PTGER3: variants seen among roughly 807,000 people sequenced by gnomAD.
PTGER3 encodes prostaglandin E receptor 3, also known as prostaglandin E2 receptor EP3 subtype.
PTGER3 carries 22 observed loss-of-function variants against 34.7 expected under a neutral mutation model. That is an observed-to-expected ratio of 0.63 (90% CI 0.45 to 0.91). The LOEUF (loss-of-function observed/expected upper bound fraction) is 0.91. Ranked by LOEUF, PTGER3 falls within the 40% of genes least tolerant of loss-of-function variation. PTGER3 has a pLI of 0.00. For synonymous variants in PTGER3, 241 were observed against 230.1 expected, an observed-to-expected ratio of 1.05 and a Z score of -0.43; for missense variants, 468 against 519.4, an observed-to-expected ratio of 0.90 and a Z score of 0.96.
At chr1:70,880,133 T>C (rs1407147886) in intron 4 of PTGER3, among the ~76,000 whole-genome samples, 1 of 152,048 alleles carries the variant, frequency 6.6e-6, no homozygotes, top group Non-Finnish European at 1.5e-5. Flanking sequence ...TGTAATCATA[T>C]TGTTAGCTGG....
intron 4 of PTGER3, among the ~76,000 whole-genome samples, chr1:70,932,075 T>A (rs1479917999): frequency 2.6e-5 from 4 of 152,174 alleles, no homozygotes; most frequent in Non-Finnish European, 5.9e-5. Flanking sequence ...CAGATACCTT[T>A]AATCATCTCT....
In PTGER3 at chr1:71,047,663, C is replaced by G. The variant is rs1018917472; in HGVS notation, c.-86G>C. On this transcript the variant is annotated 5_prime_UTR_variant, in exon 1 of 4. Transcript: ENST00000306666. ...CGGCGCGGGCGGCGGCGGAGGTCGG[C>G]GTTTACCGCGGCTGGGGCTGGGCTG... 1 of 1,414,906 alleles carries G rather than the reference C, an allele frequency of 7.1e-7. No individual in the cohort carries two copies. The highest frequency in any genetic ancestry group is 9.4e-7 in the Non-Finnish European group (1 of 1,068,412). 87.6% of individuals were successfully genotyped at this position (1,414,906 alleles called of 1,614,324 possible).
At chr1:71,035,342 T>C (rs1033709342) in intron 1 of PTGER3, among the ~76,000 whole-genome samples, 2 of 152,262 alleles carry the variant, frequency 1.3e-5, no homozygotes, top group Admixed American at 6.5e-5. Flanking sequence ...CTATAGTTTT[T>C]GACATTCTCA....
chr1:70,916,702 C>G (rs1264626500), intron 4 of PTGER3, among the ~76,000 whole-genome samples: 2 of 151,836 alleles, frequency 1.3e-5, no homozygotes, highest in African/African-American at 4.8e-5. Context: ...AATGTGGGAA[C>G]AATAGATACT....
chr1:70,946,181 C>A (rs775964583), intron 4 of PTGER3, among the ~76,000 whole-genome samples: 1 of 151,964 alleles, frequency 6.6e-6, no homozygotes, highest in Admixed American at 6.6e-5. Flanking sequence ...AAGTCCCAGC[C>A]CCACCACATA....
chr1:70,922,580 C>T (rs536879204), intron 4 of PTGER3, among the ~76,000 whole-genome samples: 58 of 151,880 alleles, frequency 3.8e-4, no homozygotes, highest in Non-Finnish European at 6.8e-4. Flanking sequence ...GTCCTAGGCT[C>T]CACACTAGTA....
intron 4 of PTGER3, among the ~76,000 whole-genome samples, chr1:70,937,905 G>T (rs1421332095): frequency 6.6e-6 from 1 of 152,004 alleles, no homozygotes; most frequent in Admixed American, 6.6e-5. Context: ...TAGAAAGGTG[G>T]TTTTATAGTT....
intron 1 of PTGER3, among the ~76,000 whole-genome samples, chr1:71,040,194 A>G (rs1454503438): frequency 3.3e-5 from 5 of 151,930 alleles, no homozygotes; most frequent in Non-Finnish European, 7.4e-5. Flanking sequence ...GGGAAGGGAA[A>G]GGAAAGGAAA....
intron 2 of PTGER3, 63 bp from the exon 3 acceptor site, chr1:70,974,451 C>T: frequency 2.6e-6 from 2 of 764,194 alleles, no homozygotes; most frequent in East Asian, 2.5e-5. Context: ...AAAGCAAAAC[C>T]AAAACCTGCA....
At chr1:70,882,022 G>T (rs943655839) in intron 4 of PTGER3, among the ~76,000 whole-genome samples, 9 of 152,172 alleles carry the variant, frequency 5.9e-5, no homozygotes, top group African/African-American at 1.9e-4. Flanking sequence ...TTAGACAGAG[G>T]TGGAACCTGT....
downstream of PTGER3, among the ~76,000 whole-genome samples, chr1:70,969,718 A>G (rs1652891733): frequency 6.6e-6 from 1 of 152,186 alleles, no homozygotes; most frequent in African/African-American, 2.4e-5. Flanking sequence ...CTTAAAAACA[A>G]GAATAGCATC....
In PTGER3 at chr1:70,971,486, T is replaced by C. The variant is rs1653072785; in HGVS notation, c.*244A>G. 1 of 1,182,656 alleles carries C rather than the reference T, an allele frequency of 8.5e-7. No homozygotes were observed. Among genetic ancestry groups the C allele is most frequent in the African/African-American group, 1.6e-5 (1 of 62,900 alleles). The allele number at this position is 1,182,656 out of a possible 1,614,324, so 73.3% of individuals were successfully genotyped here. Reference sequence around the variant, plus strand: ...CTCCAATCATCATCTGTGAAATTCTTCCCAACTTCTTAAATGCATATTCAA... The same window carrying C: ...CTCCAATCATCATCTGTGAAATTCTCCCCAACTTCTTAAATGCATATTCAA... On this transcript the variant is annotated 3_prime_UTR_variant, in exon 4 of 4. Coordinates refer to ENST00000306666, the MANE Select transcript of PTGER3 (RefSeq NM_198719.2).
intron 1 of PTGER3, among the ~76,000 whole-genome samples, chr1:71,036,899 G>A (rs1659883257): frequency 6.6e-6 from 1 of 152,122 alleles, no homozygotes; most frequent in Non-Finnish European, 1.5e-5. Context: ...ACCACCCAGA[G>A]CCTAATGATC....
chr1:70,966,818 A>G (rs1353790062), downstream of PTGER3, among the ~76,000 whole-genome samples: 2 of 151,830 alleles, frequency 1.3e-5, no homozygotes, highest in African/African-American at 4.9e-5. Context: ...CATGGTGTAT[A>G]TGAACCACAT....
intron 2 of PTGER3, chr1:71,005,726 C>A (rs985734231): frequency 3.1e-6 from 1 of 317,932 alleles, no homozygotes; most frequent in Non-Finnish European, 4.5e-6. Flanking sequence ...TACTAGCAAG[C>A]ACACTGGCCC....
intron 1 of PTGER3, among the ~76,000 whole-genome samples, chr1:71,038,879 A>G (rs141623114): frequency 1.3e-5 from 2 of 152,344 alleles, no homozygotes; most frequent in Non-Finnish European, 2.9e-5. Context: ...CTGTGAAAAG[A>G]TGAAGACAAC....
At chr1:70,981,315 CCTTTCTTCTTTCT>C (rs1557708567) in intron 2 of PTGER3, among the ~76,000 whole-genome samples, 1,432 of 94,692 alleles carry the variant, frequency 0.015, 21 homozygotes, top group African/African-American at 0.019. Context: ...TTCCTTCCTT[CCTTTCTTCTTTCT>C]TTCTTTCTTT....
chr1:70,868,092 G>A (rs993366173), intron 4 of PTGER3, among the ~76,000 whole-genome samples: 10 of 152,186 alleles, frequency 6.6e-5, no homozygotes, highest in South Asian at 2.1e-4. Context: ...ATACCATGCT[G>A]TTGTATATCC....
At chr1:71,009,480 T>C in intron 2 of PTGER3, 1 of 982,748 alleles carries the variant, frequency 1.0e-6, no homozygotes, top group Non-Finnish European at 1.2e-6. Context: ...AACTTCAAGA[T>C]ATTTTTAAGA....
Sources: allele counts gnomAD v4.1 joint callset (sites outside exome capture counted in the v4.1 genomes callset), GRCh38; gene constraint gnomAD v4.1.1; transcripts MANE v1.5; gene names NCBI Gene and HGNC (gene_info 2026-07-23, HGNC 2026-07-21).